SF3B3: variants seen among roughly 807,000 people sequenced by gnomAD.
The protein encoded by SF3B3 is splicing factor 3b subunit 3, also known as SAP 130.
SF3B3 carries 33 observed loss-of-function variants against 139.2 expected under a neutral mutation model. The ratio of observed to expected loss-of-function variants is 0.24; its 90% CI spans 0.18 to 0.32. The LOEUF (loss-of-function observed/expected upper bound fraction) is 0.32, where lower values mean the gene tolerates loss of function less well. Among genes scored for constraint, SF3B3 ranks in the 10% least tolerant of loss-of-function variants. The pLI is 1.00. For missense variants in SF3B3, 818 were observed against 1,509.4 expected (o/e 0.54, Z 7.59); for synonymous variants, 596 against 563.6 (o/e 1.06, Z -0.81).
chr16:70,557,188 T>C (rs1423138220), intron 15 of SF3B3, among the ~76,000 whole-genome samples, 159 bp downstream of exon 15: 1 of 152,204 alleles, frequency 6.6e-6, no homozygotes, highest in African/African-American at 2.4e-5. Context: ...CTCAGCTCTT[T>C]AATTCGAACA....
chr16:70,541,648 C>G, intron 8 of SF3B3, 21 bp from the exon 9 acceptor site: 1 of 1,605,898 alleles, frequency 6.2e-7, no homozygotes, highest in Non-Finnish European at 8.5e-7. Context: ...CCGAAAGTTT[C>G]TCTCCTCTGC....
chr16:70,571,720 C>A lies in SF3B3; in HGVS notation c.3561C>A (p.Pro1187=). ...GTGAGCAGTTCAATTCCATGGAACC[C>A]AACAAACAAAAGAACGTCTCTGAAG... ...DLCEQFNSME[P]NKQKNVSEEL... Residue 1187 remains proline, a synonymous_variant, in exon 26 of 26, where the codon CCC becomes CCA. Transcript: ENST00000302516. 6.2e-7 allele frequency: 1 copy of A among 1,614,066 alleles called. No homozygotes were observed.
intron 5 of SF3B3, 87 bp from the exon 6 acceptor site, chr16:70,535,221 A>G: frequency 1.6e-6 from 1 of 620,560 alleles, no homozygotes. Context: ...ACCATCATCA[A>G]GTTGTGCTGA....
intron 4 of SF3B3, among the ~76,000 whole-genome samples, chr16:70,531,706 C>A (rs1380565339): frequency 6.6e-6 from 1 of 152,218 alleles, no homozygotes; most frequent in Non-Finnish European, 1.5e-5. Context: ...AGTAATCTCC[C>A]TATGGAAACA....
chr16:70,567,298 G>C (rs2151794698), intron 20 of SF3B3, 113 bp from the exon 21 acceptor site: 1 of 1,160,706 alleles, frequency 8.6e-7, no homozygotes, highest in East Asian at 2.4e-5. Context: ...TAAGCTCACT[G>C]GTGTGTTTCT....
chr16:70,559,935 A>G (rs1432728906), intron 15 of SF3B3, among the ~76,000 whole-genome samples: 1 of 151,540 alleles, frequency 6.6e-6, no homozygotes, highest in Admixed American at 6.6e-5. Flanking sequence ...GGGGTGGTAA[A>G]TTGACTCATT....
chr16:70,544,391 A>G, intron 9 of SF3B3, 47 bp from the exon 10 acceptor site: 1 of 1,102,738 alleles, frequency 9.1e-7, no homozygotes, highest in East Asian at 2.4e-5. Flanking sequence ...GTTGTGTTTG[A>G]AAACAGCACT....
Position 70,574,650 on chromosome 16 carries a change from A to G in SF3B3, c.*2837A>G, listed in dbSNP as rs567946051. Reference sequence around the variant, plus strand: ...GCTGGAACTACAGGCATGTGCCATCACGTCCAGCTAATTTTTGTATTTTTA... The same window carrying G: ...GCTGGAACTACAGGCATGTGCCATCGCGTCCAGCTAATTTTTGTATTTTTA... On this transcript the variant is annotated 3_prime_UTR_variant, in exon 26 of 26. Coordinates refer to ENST00000302516, the MANE Select transcript of SF3B3 (RefSeq NM_012426.5). 1 of 152,302 alleles carries G rather than the reference A, an allele frequency of 6.6e-6. No individual in the cohort carries two copies. The highest frequency in any genetic ancestry group is 1.9e-4 in the East Asian group (1 of 5,182). The allele number at this position is 152,302 out of a possible 1,614,324, so 9.4% of individuals were successfully genotyped here.
chr16:70,538,522 A>G (rs2050189191), intron 7 of SF3B3, 62 bp downstream of exon 7: 3 of 1,386,586 alleles, frequency 2.2e-6, no homozygotes, highest in Non-Finnish European at 3.0e-6. Context: ...CAAGACAGGT[A>G]ATACTTTACA....
intron 5 of SF3B3, among the ~76,000 whole-genome samples, chr16:70,533,350 AAG>A (rs1188393784): frequency 1.3e-5 from 2 of 152,294 alleles, no homozygotes; most frequent in East Asian, 3.9e-4. Flanking sequence ...TTAAAAAAAA[AAG>A]TAAAACAGAT....
At chr16:70,556,570 CT>C (rs1567420526) in intron 14 of SF3B3, 4 of 611,324 alleles carry the variant, frequency 6.5e-6, no homozygotes, top group Non-Finnish European at 8.5e-6. Context: ...GCCTCAACTC[CT>C]TTTTTTAAGT....
chr16:70,539,929 A>G (rs2050203634), intron 8 of SF3B3, among the ~76,000 whole-genome samples: 1 of 151,340 alleles, frequency 6.6e-6, no homozygotes, highest in African/African-American at 2.4e-5. Context: ...GGCATGCGTC[A>G]CTATGCCCAG....
At chr16:70,571,350 C>T (rs2050527437) in intron 25 of SF3B3, 151 bp downstream of exon 25, 1 of 639,422 alleles carries the variant, frequency 1.6e-6, no homozygotes, top group South Asian at 1.9e-5. Flanking sequence ...AATCTGAACT[C>T]TGAGTACCAA....
chr16:70,544,602 T>A, intron 10 of SF3B3, 69 bp downstream of exon 10: 1 of 859,930 alleles, frequency 1.2e-6, no homozygotes, highest in Non-Finnish European at 2.0e-6. Flanking sequence ...TTTATGGGTT[T>A]ACTCTGATGT....
rs759628523 is a variant in SF3B3, at chr16:70,528,943, T to G, written c.141T>G (p.Thr47=). 3.5e-5 allele frequency: 56 copies of G among 1,614,016 alleles called. No homozygotes were observed. Among genetic ancestry groups the G allele is most frequent in the Non-Finnish European group, 4.7e-5 (55 of 1,180,008 alleles). Residue 47 remains threonine (T), a synonymous_variant, in exon 3 of 26, where the codon ACT becomes ACG. Coordinates refer to ENST00000302516, the MANE Select transcript of SF3B3 (RefSeq NM_012426.5). The part of the protein sequence containing the change: ...ILELLRPDPN[T]GKVHTLLTVE... Reference sequence around the variant, plus strand: ...AGCTGCTTCGCCCAGACCCCAACACTGGCAAAGTACATACCCTACTCACTG... The same window carrying G: ...AGCTGCTTCGCCCAGACCCCAACACGGGCAAAGTACATACCCTACTCACTG...
intron 1 of SF3B3, chr16:70,524,636 C>G (rs911830163): frequency 2.0e-5 from 3 of 152,170 alleles, no homozygotes; most frequent in Admixed American, 2.0e-4. Flanking sequence ...ACCTCAGCCT[C>G]CCGAGTAGAC....
At chr16:70,543,525 C>A (rs779987015) in intron 9 of SF3B3, among the ~76,000 whole-genome samples, 8 of 151,618 alleles carry the variant, frequency 5.3e-5, no homozygotes, top group African/African-American at 1.7e-4. Context: ...CTGGCCAACA[C>A]GGTGAAACCC....
chr16:70,560,504 C>T lies in SF3B3; in HGVS notation c.2046C>T (p.Val682=). The part of the protein sequence containing the change: ...GVLLRTVLDP[V]TGDLSDTRTR... ...TGCTGAGGACTGTCTTGGACCCTGT[C>T]ACTGGGGATTTGTCTGATACTCGCA... The change falls in exon 16 of 26, where the codon GTC becomes GTT. Residue 682 remains valine (V), a synonymous_variant. Coordinates refer to ENST00000302516, the MANE Select transcript of SF3B3 (RefSeq NM_012426.5). 3 of 1,613,978 alleles carry T rather than the reference C, an allele frequency of 1.9e-6. No individual in the cohort carries two copies. The highest frequency in any genetic ancestry group is 2.5e-6 in the Non-Finnish European group (3 of 1,179,896).
intron 23 of SF3B3, among the ~76,000 whole-genome samples, chr16:70,569,457 T>C (rs1165884394): frequency 6.6e-6 from 1 of 152,244 alleles, no homozygotes; most frequent in Non-Finnish European, 1.5e-5. Context: ...TAGTGATTGC[T>C]GTTTTCTATA....
Sources: allele counts gnomAD v4.1 joint callset (sites outside exome capture counted in the v4.1 genomes callset), GRCh38; gene constraint gnomAD v4.1.1; transcripts MANE v1.5; gene names NCBI Gene and HGNC (gene_info 2026-07-23, HGNC 2026-07-21).